The following CCNJL variants were observed in gnomAD, a reference collection of about 807,000 sequenced individuals.
CCNJL encodes the protein cyclin J like.
In CCNJL, 33 loss-of-function variants were observed where a neutral mutation model predicts 33.4. The observed-to-expected ratio is 0.99, with a 90% CI of 0.75 to 1.32. The LOEUF is 1.32. Among genes scored for constraint, CCNJL ranks in the 40% most tolerant of loss-of-function variants. The probability of loss-of-function intolerance (pLI) is 0.00; values close to 1 mark genes in which losing one functional copy is unlikely to be tolerated. For synonymous variants in CCNJL, 227 were observed against 220.9 expected, an observed-to-expected ratio of 1.03 and a Z score of -0.24; for missense variants, 512 against 499.7, an observed-to-expected ratio of 1.02 and a Z score of -0.23.
intron 1 of CCNJL, among the ~76,000 whole-genome samples, chr5:160,320,830 T>TTTCC (rs1763436497): frequency 1.9e-4 from 24 of 125,780 alleles, no homozygotes; most frequent in African/African-American, 7.1e-4. Flanking sequence ...TCTTTCTTTC[T>TTTCC]TTCTTTCTTT....
intron 1 of CCNJL, chr5:160,326,749 T>C (rs547305069): frequency 8.1e-5 from 71 of 875,690 alleles, no homozygotes; most frequent in South Asian, 4.0e-4. Flanking sequence ...AGCCCATCAA[T>C]CTCATCTTCA....
intron 3 of CCNJL, among the ~76,000 whole-genome samples, chr5:160,277,179 T>C (rs368207550): frequency 1.1e-3 from 168 of 152,326 alleles, no homozygotes; most frequent in African/African-American, 3.5e-3. Context: ...GGGCAAGTTT[T>C]GTGGCCTCTC....
At chr5:160,284,869 T>C (rs1762354498) in intron 2 of CCNJL, among the ~76,000 whole-genome samples, 1 of 152,238 alleles carries the variant, frequency 6.6e-6, no homozygotes, top group Non-Finnish European at 1.5e-5. Flanking sequence ...ATCCCTTTTT[T>C]CAACTTTTTT....
At chr5:160,286,746 C>T (rs1762420053) in intron 2 of CCNJL, among the ~76,000 whole-genome samples, 1 of 152,106 alleles carries the variant, frequency 6.6e-6, no homozygotes, top group South Asian at 2.1e-4. Context: ...AGGGGCTGGT[C>T]TCAAGAGGGC....
intron 2 of CCNJL, among the ~76,000 whole-genome samples, chr5:160,296,174 A>G (rs1441449255): frequency 6.6e-6 from 1 of 152,154 alleles, no homozygotes; most frequent in East Asian, 1.9e-4. Flanking sequence ...AGTACATTTA[A>G]CTCATCCTTT....
intron 3 of CCNJL, among the ~76,000 whole-genome samples, chr5:160,263,742 T>C (rs1301756502): frequency 6.6e-6 from 1 of 152,180 alleles, no homozygotes; most frequent in Non-Finnish European, 1.5e-5. Context: ...ATAAATAATC[T>C]GGGAGGGCAC....
In CCNJL at chr5:160,258,719, A is replaced by T. The variant is rs888620516; in HGVS notation, c.583+750T>A. The T allele has an allele frequency of 8.5e-6, 6 of 706,228 alleles. No individual in the cohort carries two copies. In the African/African-American group the frequency reaches 1.1e-4, roughly 13 times the overall value. The allele number at this position is 706,228 out of a possible 1,614,324, so 43.7% of individuals were successfully genotyped here. A position where few individuals can be genotyped will look rare whatever the true frequency, so the allele number is the denominator to read the frequency against. On this transcript the variant is annotated intron_variant, in intron 4 of 5. Coordinates refer to ENST00000257536, the MANE Select transcript of CCNJL (RefSeq NM_001308173.3). ...ATTGTAAAAAACAAACAAAAAAAAG[A>T]CAGAGTCTCGCTCTGTTGCCAGGCT... is the stretch of plus-strand genomic sequence containing the variant.
At position 160,253,512 on chromosome 5, in the gene CCNJL, G is replaced by C. The variant is rs369592831; in HGVS notation, c.1030C>G (p.Pro344Ala). 1.2e-6 allele frequency: 2 copies of C among 1,614,218 alleles called. No homozygotes were observed. Among genetic ancestry groups the C allele is most frequent in the South Asian group, 2.2e-5 (2 of 91,084 alleles). Residue 344 changes from proline to alanine, a missense_variant, in exon 6 of 6, where the codon CCC becomes GCC. By Grantham distance (27) the Pro-to-Ala change is conservative (BLOSUM62 -1). Coordinates refer to ENST00000257536, the MANE Select transcript of CCNJL (RefSeq NM_001308173.3). ...YQPLQPLDMC[P>A]VPVPASLSMH... ...CTAAGGGATGCAGGGACGGGCACGG[G>C]ACACATATCCAAGGGCTGCAGCGGT... is the stretch of plus-strand genomic sequence containing the variant.
chr5:160,271,244 A>G (rs1487646265), intron 3 of CCNJL, among the ~76,000 whole-genome samples: 1 of 152,174 alleles, frequency 6.6e-6, no homozygotes, highest in African/African-American at 2.4e-5. Context: ...CAATACTGAC[A>G]GGTAAGTGCT....
chr5:160,279,121 T>C (rs961050015), intron 3 of CCNJL, among the ~76,000 whole-genome samples: 5 of 152,054 alleles, frequency 3.3e-5, no homozygotes, highest in Admixed American at 2.6e-4. Context: ...CGGAACTGGG[T>C]GATCGTGCCC....
chr5:160,317,383 C>CA (rs1427265231), upstream of CCNJL, among the ~76,000 whole-genome samples: 1 of 152,232 alleles, frequency 6.6e-6, no homozygotes, highest in Non-Finnish European at 1.5e-5. Context: ...ACCTCCCTCT[C>CA]ACGCAGGGCC....
At chr5:160,303,135 GAGAAGAATGATAT>G in intron 2 of CCNJL, among the ~76,000 whole-genome samples, 1 of 150,336 alleles carries the variant, frequency 6.7e-6, no homozygotes, top group Non-Finnish European at 1.5e-5. Context: ...GAATTGGGTG[GAGAAGAATGATAT>G]GGAAAAATGT....
intron 3 of CCNJL, among the ~76,000 whole-genome samples, chr5:160,277,296 C>G (rs1174943294): frequency 1.3e-5 from 2 of 152,094 alleles, no homozygotes; most frequent in Non-Finnish European, 2.9e-5. Flanking sequence ...GTAGAAAGAA[C>G]AGTAAGGAAG....
intron 1 of CCNJL, among the ~76,000 whole-genome samples, chr5:160,320,870 TC>T (rs1763441369): frequency 2.8e-5 from 4 of 143,128 alleles, no homozygotes; most frequent in African/African-American, 1.1e-4. Context: ...TCTTTCTTTC[TC>T]TCTTTCTTTC....
chr5:160,311,951 T>G lies in CCNJL; in HGVS notation c.-28A>C, dbSNP rs1323377558. 1.2e-6 allele frequency: 2 copies of G among 1,611,606 alleles called. No homozygotes were observed. Among genetic ancestry groups the G allele is most frequent in the African/African-American group, 2.7e-5 (2 of 74,896 alleles). ...CGTACGCAGCGCCGCTATCCGAGGC[T>G]ACCCGGCTCTCAGGGCGCACCCTGC... On this transcript the variant is annotated 5_prime_UTR_variant, in exon 2 of 6. It removes the in-frame stop codon of an upstream open reading frame in the 5' UTR. Transcript: ENST00000257536.
chr5:160,288,821 ACT>A (rs1762491130), intron 2 of CCNJL, among the ~76,000 whole-genome samples: 2 of 136,714 alleles, frequency 1.5e-5, no homozygotes, highest in Admixed American at 7.7e-5. Flanking sequence ...ACAGAGCGAG[ACT>A]CTGTCTAAAA....
chr5:160,281,564 G>GT (rs777774409), intron 2 of CCNJL, among the ~76,000 whole-genome samples: 1 of 152,068 alleles, frequency 6.6e-6, no homozygotes, highest in African/African-American at 2.4e-5. Flanking sequence ...AACCAACAAA[G>GT]TTTTTTACAA....
intron 1 of CCNJL, among the ~76,000 whole-genome samples, chr5:160,338,631 T>C (rs1432891748): frequency 6.6e-6 from 1 of 152,112 alleles, no homozygotes; most frequent in East Asian, 1.9e-4. Context: ...AGGGCAAGAA[T>C]GTAAGGGCTA....
At chr5:160,255,913 G>T (rs868723273) in intron 4 of CCNJL, among the ~76,000 whole-genome samples, 2 of 152,130 alleles carry the variant, frequency 1.3e-5, no homozygotes, top group African/African-American at 4.8e-5. Flanking sequence ...TGTTGAGACA[G>T]GGTCTCGCTC....
Sources: gnomAD v4.1 joint callset for allele counts (sites outside exome capture counted in the v4.1 genomes callset) on GRCh38, gnomAD v4.1.1 for gene constraint, MANE v1.5 for transcripts, NCBI Gene and HGNC (gene_info 2026-07-23, HGNC 2026-07-21) for gene names.